Variants in CTDP1 observed in about 807,000 individuals in gnomAD.
The protein encoded by CTDP1 is RNA polymerase II subunit A C-terminal domain phosphatase.
A neutral mutation model predicts 91.8 loss-of-function variants in CTDP1; 47 were observed. The ratio of observed to expected loss-of-function variants is 0.51; its 90% confidence interval spans 0.41 to 0.65. The LOEUF (loss-of-function observed/expected upper bound fraction) is 0.65, where lower values mean the gene tolerates loss of function less well. Among genes scored for constraint, CTDP1 ranks in the 30% least tolerant of loss-of-function variants. The probability of loss-of-function intolerance (pLI) is 0.00; values close to 1 mark genes in which losing one functional copy is unlikely to be tolerated. For synonymous variants in CTDP1, 656 were observed against 598.5 expected, an observed-to-expected ratio of 1.10 and a Z score of -1.40; for missense variants, 1,272 against 1,373.7, an observed-to-expected ratio of 0.93 and a Z score of 1.17.
chr18:79,719,045 G>T (rs566948078), intron 10 of CTDP1, among the ~76,000 whole-genome samples: 1 of 152,352 alleles, frequency 6.6e-6, no homozygotes, highest in East Asian at 1.9e-4. Flanking sequence ...CCAGGGCGTG[G>T]CCTTCGCACA....
At chr18:79,732,112 C>A (rs1471003561) in intron 11 of CTDP1, among the ~76,000 whole-genome samples, 2 of 151,596 alleles carry the variant, frequency 1.3e-5, no homozygotes, top group Non-Finnish European at 2.9e-5. Context: ...AACTTGCTGA[C>A]ATCAGGAGTG....
At position 79,712,790 on chromosome 18, in the gene CTDP1, A is replaced by T. The variant is rs551413742; in HGVS notation, c.864-182A>T. On this transcript the variant is annotated intron_variant, in intron 6 of 12. Transcript: ENST00000613122. ...AGGAGAATCGGAAACAGCACTGAAG[A>T]TGTTACTGAGGTTTAAATGCGACCC... is the stretch of plus-strand genomic sequence containing the variant. 6.6e-5 allele frequency among the ~76,000 whole-genome samples: 10 copies of T among 152,264 alleles called. No homozygotes were observed. The South Asian group carries it at 2.1e-3, about 32-fold the overall frequency.
At chr18:79,723,121 C>T (rs544556649) in intron 10 of CTDP1, among the ~76,000 whole-genome samples, 15 of 152,248 alleles carry the variant, frequency 9.9e-5, no homozygotes, top group South Asian at 4.1e-4. Context: ...CCTGCAGCCA[C>T]CCTCACACGC....
At chr18:79,749,183 A>T (rs2086942463) in intron 12 of CTDP1, among the ~76,000 whole-genome samples, 1 of 152,290 alleles carries the variant, frequency 6.6e-6, no homozygotes, top group South Asian at 2.1e-4. Context: ...TCTGCCACGG[A>T]TGGCTTCCTC....
intron 12 of CTDP1, among the ~76,000 whole-genome samples, chr18:79,739,681 G>A (rs1242661328): frequency 3.3e-5 from 5 of 152,196 alleles, no homozygotes; most frequent in Admixed American, 2.0e-4. Flanking sequence ...TTACAGACTC[G>A]GTGGGCTTGG....
chr18:79,722,324 G>A (rs370552795), intron 10 of CTDP1, among the ~76,000 whole-genome samples: 17 of 152,264 alleles, frequency 1.1e-4, no homozygotes, highest in South Asian at 1.0e-3. Context: ...GTTCAGTTTC[G>A]AATGGCACGT....
chr18:79,724,934 T>G (rs1828506632), intron 10 of CTDP1, among the ~76,000 whole-genome samples: 1 of 152,218 alleles, frequency 6.6e-6, no homozygotes, highest in South Asian at 2.1e-4. Flanking sequence ...GGTGCACCTG[T>G]GTGGTCTGTT....
upstream of CTDP1, chr18:79,678,848 A>T (rs1033920274): frequency 6.4e-6 from 1 of 156,236 alleles, no homozygotes; most frequent in African/African-American, 2.4e-5. Context: ...GCTAAGTATT[A>T]ATGAATCTGT....
rs142082602 is a variant in CTDP1, at chr18:79,749,181, G to A, written c.2748-4471G>A. The stretch of plus-strand genomic sequence containing the variant: ...CTTGCTGCCATTAGAACTCTGCCAC[G>A]GATGGCTTCCTCGCTTGATTTTAGA... On this transcript the variant is annotated intron_variant, in intron 12 of 12. Coordinates refer to ENST00000613122, the MANE Select transcript of CTDP1 (RefSeq NM_004715.5). Among the ~76,000 whole-genome samples, 13 of 152,314 alleles carry A rather than the reference G, an allele frequency of 8.5e-5. No individual in the cohort carries two copies. The Middle Eastern group carries it at 0.01, about 120-fold the overall frequency.
intron 10 of CTDP1, among the ~76,000 whole-genome samples, chr18:79,727,262 A>G (rs553930710): frequency 2.0e-5 from 3 of 152,366 alleles, no homozygotes; most frequent in Admixed American, 6.5e-5. Flanking sequence ...TTTGAACAAC[A>G]CTGCTTTGGA....
At position 79,696,030 on chromosome 18, in the gene CTDP1, C is replaced by T; in HGVS notation, c.452C>T (p.Ser151Phe). Reference protein sequence around the residue: ...QQVPLSTATVSMVHSVPELMV... With the variant: ...QQVPLSTATVFMVHSVPELMV... ...GTGCCGCTGTCCACGGCGACCGTGT[C>T]CATGGTGCACAGCGTGCCGGAGTTG... is the stretch of plus-strand genomic sequence containing the variant. The change falls in exon 3 of 13, where the codon TCC becomes TTC. Residue 151 changes from serine (S) to phenylalanine (F), a missense_variant. Physicochemically the swap from Ser to Phe is radical, Grantham distance 155. Transcript: ENST00000613122. 1 of 1,612,624 alleles carries T rather than the reference C, an allele frequency of 6.2e-7. No homozygotes were observed. Among genetic ancestry groups the T allele is most frequent in the Non-Finnish European group, 8.5e-7 (1 of 1,180,014 alleles).
At chr18:79,749,043 T>C (rs1163736158) in intron 12 of CTDP1, among the ~76,000 whole-genome samples, 2 of 152,194 alleles carry the variant, frequency 1.3e-5, no homozygotes, top group African/African-American at 4.8e-5. Context: ...TTTCTGAAGG[T>C]GTGTCCTGCT....
At chr18:79,712,561 C>CATT (rs2086105732) in intron 6 of CTDP1, among the ~76,000 whole-genome samples, 1 of 152,220 alleles carries the variant, frequency 6.6e-6, no homozygotes, top group South Asian at 2.1e-4. Flanking sequence ...GAATTGCAGG[C>CATT]ATTAGCCACA....
At chr18:79,750,450 A>T (rs1408883775) in intron 12 of CTDP1, among the ~76,000 whole-genome samples, 1 of 151,814 alleles carries the variant, frequency 6.6e-6, no homozygotes, top group Non-Finnish European at 1.5e-5. Context: ...ATTCGTTTAA[A>T]ACTTGGACGG....
intron 1 of CTDP1, among the ~76,000 whole-genome samples, chr18:79,687,988 C>G (rs946549932): frequency 6.6e-6 from 1 of 152,244 alleles, no homozygotes; most frequent in African/African-American, 2.4e-5. Flanking sequence ...AGCCACGGCT[C>G]TGTGGATGTG....
intron 10 of CTDP1, among the ~76,000 whole-genome samples, chr18:79,728,031 G>C (rs2086486503): frequency 6.6e-6 from 1 of 152,148 alleles, no homozygotes; most frequent in African/African-American, 2.4e-5. Flanking sequence ...CAGAAGATTG[G>C]CCCTTTCTAG....
At chr18:79,740,686 A>T (rs141605997) in intron 12 of CTDP1, among the ~76,000 whole-genome samples, 8 of 152,296 alleles carry the variant, frequency 5.3e-5, no homozygotes, top group African/African-American at 1.9e-4. Context: ...CAGAATCTTA[A>T]TGTCAGTTGA....
intron 12 of CTDP1, among the ~76,000 whole-genome samples, chr18:79,739,244 C>G (rs1039417750): frequency 6.6e-6 from 1 of 152,160 alleles, no homozygotes; most frequent in Non-Finnish European, 1.5e-5. Context: ...TCCACTAAGA[C>G]CAGTCAGGGT....
intron 5 of CTDP1, among the ~76,000 whole-genome samples, chr18:79,705,377 G>A (rs780133634): frequency 1.8e-4 from 27 of 152,324 alleles, no homozygotes; most frequent in African/African-American, 6.5e-4. Flanking sequence ...AGGCTACGGT[G>A]CCCTCTGGGA....
Sources: gnomAD v4.1 joint callset for allele counts (sites outside exome capture counted in the v4.1 genomes callset) on GRCh38, gnomAD v4.1.1 for gene constraint, MANE v1.5 for transcripts, NCBI Gene and HGNC (gene_info 2026-07-23, HGNC 2026-07-21) for gene names.